GHR: variants seen among roughly 807,000 people sequenced by gnomAD.
GHR encodes growth hormone receptor.
A neutral mutation model predicts 67.1 loss-of-function variants in GHR; 35 were observed. That is an observed-to-expected ratio of 0.52 (90% CI 0.40 to 0.69). The LOEUF (loss-of-function observed/expected upper bound fraction) is 0.69. GHR is among the 30% of genes least tolerant of loss of function. The probability of loss-of-function intolerance (pLI) is 0.00; values close to 1 mark genes in which losing one functional copy is unlikely to be tolerated. For missense variants in GHR, 792 were observed against 764.6 expected (o/e 1.04, Z -0.42); for synonymous variants, 272 against 269.1 (o/e 1.01, Z -0.10).
intron 1 of GHR, among the ~76,000 whole-genome samples, chr5:42,438,527 G>A (rs1743433053): frequency 6.6e-6 from 1 of 152,202 alleles, no homozygotes; most frequent in Non-Finnish European, 1.5e-5. Flanking sequence ...TGTCTTGGTT[G>A]TTCTGTCTCT....
chr5:42,477,344 G>A (rs1484700332), intron 1 of GHR, among the ~76,000 whole-genome samples: 3 of 152,078 alleles, frequency 2.0e-5, no homozygotes, highest in South Asian at 2.1e-4. Context: ...ATAAACATAC[G>A]TGTGCATGTG....
chr5:42,655,042 A>T (rs1435273665), intron 3 of GHR, among the ~76,000 whole-genome samples: 2 of 151,966 alleles, frequency 1.3e-5, no homozygotes, highest in Non-Finnish European at 1.5e-5. Flanking sequence ...CCCCAAGTCA[A>T]CCTCTCATTT....
intron 1 of GHR, among the ~76,000 whole-genome samples, chr5:42,498,196 T>C (rs974528395): frequency 8.9e-4 from 135 of 152,324 alleles, no homozygotes; most frequent in African/African-American, 3.2e-3. Context: ...CTCTTTCATA[T>C]GCCTAGAGCC....
intron 2 of GHR, among the ~76,000 whole-genome samples, chr5:42,574,127 G>C (rs1229764528): frequency 6.6e-6 from 1 of 152,198 alleles, no homozygotes; most frequent in Non-Finnish European, 1.5e-5. Context: ...TCCCTGGTTG[G>C]AGCAAGAAGA....
chr5:42,696,196 A>G (rs1002812629), intron 5 of GHR, among the ~76,000 whole-genome samples: 5 of 152,346 alleles, frequency 3.3e-5, no homozygotes, highest in African/African-American at 9.6e-5. Flanking sequence ...CCTGGCTGAC[A>G]TGCCTGTCAT....
At chr5:42,716,549 A>T (rs900123356) in intron 8 of GHR, among the ~76,000 whole-genome samples, 1 of 152,246 alleles carries the variant, frequency 6.6e-6, no homozygotes, top group African/African-American at 2.4e-5. Flanking sequence ...CAAACATGTG[A>T]CAGGCCAGAT....
chr5:42,695,078 T>C lies in GHR; in HGVS notation c.428T>C (p.Val143Ala). The C allele has an allele frequency of 7.5e-6, 12 of 1,607,286 alleles. No individual in the cohort carries two copies. Among genetic ancestry groups the C allele is most frequent in the Non-Finnish European group, 1.0e-5 (12 of 1,173,826 alleles). Residue 143 changes from valine to alanine, a missense_variant, in exon 5 of 10, where the codon GTT becomes GCT. Physicochemically the swap from Val to Ala is moderately conservative, Grantham distance 64 (BLOSUM62 0). Coordinates refer to ENST00000230882, the MANE Select transcript of GHR (RefSeq NM_000163.5). ...GGTVDEKCFS[V>A]DEIVQPDPPI... ...ACAGTGGATGAAAAGTGTTTCTCTG[T>C]TGATGAAATAGGTAAATCACAGGTT...
intron 3 of GHR, among the ~76,000 whole-genome samples, chr5:42,667,358 C>T (rs930896743): frequency 3.9e-5 from 6 of 152,184 alleles, no homozygotes; most frequent in Admixed American, 6.5e-5. Flanking sequence ...CTTCACCTCA[C>T]TAATCCTTAT....
At chr5:42,643,669 A>C (rs1457772058) in intron 3 of GHR, among the ~76,000 whole-genome samples, 1 of 152,120 alleles carries the variant, frequency 6.6e-6, no homozygotes, top group Non-Finnish European at 1.5e-5. Context: ...AGAAATTGGC[A>C]AAATATTAGC....
chr5:42,443,056 G>A (rs900997690), intron 1 of GHR, among the ~76,000 whole-genome samples: 1 of 152,154 alleles, frequency 6.6e-6, no homozygotes, highest in South Asian at 2.1e-4. Flanking sequence ...TTTTGGAGGG[G>A]CAACACTCCT....
At chr5:42,556,556 T>C (rs1184895876) in intron 1 of GHR, among the ~76,000 whole-genome samples, 1 of 152,120 alleles carries the variant, frequency 6.6e-6, no homozygotes, top group African/African-American at 2.4e-5. Flanking sequence ...CAATAAGAGG[T>C]TTCATTTTTC....
At chr5:42,503,416 C>A (rs1746624450) in intron 1 of GHR, among the ~76,000 whole-genome samples, 1 of 152,106 alleles carries the variant, frequency 6.6e-6, no homozygotes, top group African/African-American at 2.4e-5. Context: ...TGCAATTCAT[C>A]CTGGATTTTA....
At chr5:42,543,502 A>G (rs1441650528) in intron 1 of GHR, among the ~76,000 whole-genome samples, 1 of 152,196 alleles carries the variant, frequency 6.6e-6, no homozygotes, top group Admixed American at 6.5e-5. Context: ...CTAGTTGGGT[A>G]TCAAATTCTG....
intron 2 of GHR, among the ~76,000 whole-genome samples, chr5:42,607,273 A>T (rs1752674097): frequency 6.6e-6 from 1 of 152,142 alleles, no homozygotes. Context: ...GTGAAAACAG[A>T]ATAATATAAG....
chr5:42,600,244 G>A (rs1006265539), intron 2 of GHR, among the ~76,000 whole-genome samples: 5 of 152,192 alleles, frequency 3.3e-5, no homozygotes, highest in Non-Finnish European at 7.3e-5. Flanking sequence ...CCTGGAGATG[G>A]AGATTCACAT....
At chr5:42,529,121 C>T (rs1747841014) in intron 1 of GHR, among the ~76,000 whole-genome samples, 1 of 151,726 alleles carries the variant, frequency 6.6e-6, no homozygotes, top group Non-Finnish European at 1.5e-5. Flanking sequence ...ACGCCATTCT[C>T]CTGCCTCAGC....
At chr5:42,681,110 T>C (rs1374021770) in intron 3 of GHR, among the ~76,000 whole-genome samples, 1 of 151,588 alleles carries the variant, frequency 6.6e-6, no homozygotes, top group East Asian at 1.9e-4. Flanking sequence ...AATTGGCAAA[T>C]GGGATCTAAT....
At chr5:42,489,710 G>T (rs754276334) in intron 1 of GHR, among the ~76,000 whole-genome samples, 5 of 152,138 alleles carry the variant, frequency 3.3e-5, no homozygotes, top group Non-Finnish European at 7.4e-5. Context: ...AATTATCATT[G>T]AAGTTTTATT....
intron 3 of GHR, among the ~76,000 whole-genome samples, chr5:42,636,302 CTGACTTCTAGCAT>C (rs1318914102): frequency 6.6e-6 from 1 of 151,374 alleles, no homozygotes; most frequent in Admixed American, 6.6e-5. Flanking sequence ...ACTCTATATA[CTGACTTCTAGCAT>C]GGTTTCTTTG....
Sources: gnomAD v4.1 joint callset for allele counts (sites outside exome capture counted in the v4.1 genomes callset) on GRCh38, gnomAD v4.1.1 for gene constraint, MANE v1.5 for transcripts, NCBI Gene and HGNC (gene_info 2026-07-23, HGNC 2026-07-21) for gene names.